Variants in RANBP17 observed in about 807,000 individuals in gnomAD.
RANBP17 encodes the protein RAN binding protein 17, also known as ran-binding protein 17.
Under a neutral mutation model 141.2 loss-of-function variants are expected in RANBP17, and 158 were observed. That is an observed-to-expected ratio of 1.12 (90% CI 0.98 to 1.28). The LOEUF (loss-of-function observed/expected upper bound fraction) is 1.28. Among genes scored for constraint, RANBP17 ranks in the 50% most tolerant of loss-of-function variants. The pLI is 0.00. For missense variants in RANBP17, 1,438 were observed against 1,290.7 expected (o/e 1.11, Z -1.75); for synonymous variants, 430 against 450.0 (o/e 0.96, Z 0.56).
intron 14 of RANBP17, among the ~76,000 whole-genome samples, chr5:171,094,766 C>T (rs1212302529): frequency 3.9e-5 from 6 of 152,044 alleles, no homozygotes; most frequent in Admixed American, 1.3e-4. Flanking sequence ...AAGAGGAATG[C>T]GTTCATTTTG....
At chr5:171,063,861 C>T (rs1233915919) in intron 14 of RANBP17, among the ~76,000 whole-genome samples, 2 of 152,346 alleles carry the variant, frequency 1.3e-5, no homozygotes, top group East Asian at 1.9e-4. Flanking sequence ...CGAGCCTGGG[C>T]AATGGCGGGC....
chr5:170,988,075 TG>T (rs1212703049), intron 14 of RANBP17, among the ~76,000 whole-genome samples: 1 of 151,684 alleles, frequency 6.6e-6, no homozygotes, highest in African/African-American at 2.4e-5. Flanking sequence ...GATGATTTTT[TG>T]TGATTACTTA....
chr5:170,977,457 C>G (rs575477458), intron 14 of RANBP17, among the ~76,000 whole-genome samples: 1 of 152,084 alleles, frequency 6.6e-6, no homozygotes, highest in Non-Finnish European at 1.5e-5. Context: ...AAAGGTTAAA[C>G]ATAGAGTTAC....
At chr5:171,094,067 T>C (rs1223504387) in intron 14 of RANBP17, among the ~76,000 whole-genome samples, 1 of 152,224 alleles carries the variant, frequency 6.6e-6, no homozygotes, top group Admixed American at 6.5e-5. Context: ...CAGCATGCAG[T>C]ATATCTTGTT....
At chr5:171,258,536 A>G (rs1050259608) in intron 24 of RANBP17, among the ~76,000 whole-genome samples, 1 of 152,240 alleles carries the variant, frequency 6.6e-6, no homozygotes, top group Non-Finnish European at 1.5e-5. Context: ...AAACAGACAC[A>G]TAAACCAATG....
intron 14 of RANBP17, among the ~76,000 whole-genome samples, chr5:171,102,331 C>T (rs245769): frequency 0.73 from 110,413 of 151,708 alleles, 40,348 homozygotes; most frequent in South Asian, 0.91. Flanking sequence ...TTACACTTTA[C>T]TTGATTAAGT....
intron 13 of RANBP17, among the ~76,000 whole-genome samples, chr5:170,955,468 A>ATATATATC (rs1775552215): frequency 4.7e-5 from 1 of 21,496 alleles, no homozygotes; most frequent in South Asian, 6.0e-3. Flanking sequence ...ATATATATCT[A>ATATATATC]TATATATATA....
intron 12 of RANBP17, among the ~76,000 whole-genome samples, chr5:170,938,010 C>G (rs1774023691): frequency 6.6e-6 from 1 of 151,988 alleles, no homozygotes; most frequent in Non-Finnish European, 1.5e-5. Flanking sequence ...TTTTATTTTT[C>G]TTCCCACTCC....
rs78596842 is a variant in RANBP17 at position 171,243,431 on chromosome 5, A to G, written c.2776+611A>G. Among the ~76,000 whole-genome samples, 573 of 152,342 alleles carry G rather than the reference A, an allele frequency of 3.8e-3. 2 individuals are homozygous for G. Among genetic ancestry groups the G allele is most frequent in the African/African-American group, 0.013 (522 of 41,582 alleles). Reference sequence around the variant, plus strand: ...TTTGTTTATTCACCAGCTGATGGACATTTGGGTTACTTTCATTATTTGACT... The same window carrying G: ...TTTGTTTATTCACCAGCTGATGGACGTTTGGGTTACTTTCATTATTTGACT... On this transcript the variant is annotated intron_variant, in intron 24 of 27. Transcript: ENST00000523189.
chr5:171,158,705 C>T (rs1759080362), intron 14 of RANBP17, among the ~76,000 whole-genome samples: 1 of 151,752 alleles, frequency 6.6e-6, no homozygotes, highest in Non-Finnish European at 1.5e-5. Context: ...TTCCTTGCTC[C>T]CTCTTGGCCC....
At chr5:171,097,608 TTTATTA>T (rs35948377) in intron 14 of RANBP17, among the ~76,000 whole-genome samples, 8,144 of 141,320 alleles carry the variant, frequency 0.058, 375 homozygotes, top group African/African-American at 0.12. Flanking sequence ...ATGTAGTCTT[TTTATTA>T]TTATTATTAT....
intron 12 of RANBP17, among the ~76,000 whole-genome samples, chr5:170,952,947 T>A (rs1775320749): frequency 6.6e-6 from 1 of 152,088 alleles, no homozygotes; most frequent in Non-Finnish European, 1.5e-5. Context: ...TTATGAAAAC[T>A]GTAGATGTTG....
chr5:171,064,582 C>T (rs185098344), intron 14 of RANBP17, among the ~76,000 whole-genome samples: 148 of 152,308 alleles, frequency 9.7e-4, no homozygotes, highest in Middle Eastern at 3.4e-3. Context: ...CTGCAACCTT[C>T]TCCTTCCAGG....
Position 170,878,172 on chromosome 5 carries a change from A to C in RANBP17, c.94A>C (p.Lys32Gln). Residue 32 changes from lysine to glutamine, a missense_variant, in exon 2 of 28, where the codon AAA (lysine) becomes CAA (glutamine). Physicochemically the swap from Lys to Gln is moderately conservative, Grantham distance 53. Coordinates refer to ENST00000523189, the MANE Select transcript of RANBP17 (RefSeq NM_022897.5). ...TCTTACACAAAGAATAGAGGCTGAG[A>C]AAGCACTCTTGGAACTTATTGACAG... ...TDLTQRIEAE[K>Q]ALLELIDSPE... The C allele has an allele frequency of 6.2e-7, 1 of 1,613,180 alleles. No homozygotes were observed. Among genetic ancestry groups the C allele is most frequent in the Non-Finnish European group, 8.5e-7 (1 of 1,179,494 alleles).
intron 16 of RANBP17, among the ~76,000 whole-genome samples, chr5:171,176,005 C>T (rs1330729194): frequency 6.6e-6 from 1 of 152,092 alleles, no homozygotes; most frequent in East Asian, 1.9e-4. Context: ...CTTCTAGGCA[C>T]AGGGTCCACT....
At chr5:171,117,355 C>T (rs775233886) in intron 14 of RANBP17, among the ~76,000 whole-genome samples, 3 of 152,036 alleles carry the variant, frequency 2.0e-5, no homozygotes, top group African/African-American at 4.8e-5. Context: ...TGATAATAGC[C>T]ATCCTAATGG....
intron 4 of RANBP17, 81 bp downstream of exon 4, chr5:170,892,634 A>G: frequency 8.9e-7 from 1 of 1,120,028 alleles, no homozygotes; most frequent in Non-Finnish European, 1.3e-6. Context: ...AAAGCGATAT[A>G]GTTTGTTTTG....
chr5:171,128,612 C>T (rs1397800290), intron 14 of RANBP17, among the ~76,000 whole-genome samples: 2 of 152,132 alleles, frequency 1.3e-5, no homozygotes, highest in Non-Finnish European at 2.9e-5. Context: ...GTGACTATAA[C>T]TACCAACAAT....
chr5:170,931,214 G>C (rs963572737), intron 12 of RANBP17, among the ~76,000 whole-genome samples: 6 of 152,290 alleles, frequency 3.9e-5, no homozygotes, highest in Admixed American at 6.5e-5. Context: ...GTCTTCTTTT[G>C]AGAAGTATCT....
Sources: allele counts gnomAD v4.1 joint callset (sites outside exome capture counted in the v4.1 genomes callset), GRCh38; gene constraint gnomAD v4.1.1; transcripts MANE v1.5; gene names NCBI Gene and HGNC (gene_info 2026-07-23, HGNC 2026-07-21).